Variants in CLEC12B observed in about 807,000 individuals in gnomAD.
The protein encoded by CLEC12B is C-type lectin domain family 12 member B, also known as macrophage antigen h.
Under a neutral mutation model 36.1 loss-of-function variants are expected in CLEC12B, and 25 were observed. The ratio of observed to expected loss-of-function variants is 0.69; its 90% CI spans 0.50 to 0.97. CLEC12B has a LOEUF of 0.97. Ranked by LOEUF, CLEC12B falls within the 50% of genes least tolerant of loss-of-function variation. The probability of loss-of-function intolerance (pLI) is 0.00; values close to 1 mark genes in which losing one functional copy is unlikely to be tolerated. For missense variants in CLEC12B, 325 were observed against 318.4 expected (o/e 1.02, Z -0.16); for synonymous variants, 110 against 108.5 (o/e 1.01, Z -0.09).
In CLEC12B at chr12:10,012,792, A is replaced by G. The variant is rs755434066; in HGVS notation, c.99A>G (p.Pro33=). ...TCTTTTGGCTTTCTCCAGGGCATCC[A>G]GCTCCATCTCCCATTTGGCGTCATG... is the stretch of plus-strand genomic sequence containing the variant. ...DGNNLRKRGH[P]APSPIWRHAA... Residue 33 remains proline (P), a synonymous_variant, in exon 2 of 6, where the codon CCA becomes CCG. Transcript: ENST00000338896. 1 of 1,613,236 alleles carries G rather than the reference A, an allele frequency of 6.2e-7. No homozygotes were observed. The highest frequency in any genetic ancestry group is 8.5e-7 in the Non-Finnish European group (1 of 1,179,726).
intron 3 of CLEC12B, among the ~76,000 whole-genome samples, chr12:10,015,004 T>A (rs777106464): frequency 1.3e-5 from 2 of 152,194 alleles, no homozygotes; most frequent in African/African-American, 2.4e-5. Context: ...TAGGTGATCA[T>A]GTTGCTCTGA....
In CLEC12B at chr12:10,018,455, C is replaced by G; in HGVS notation, c.805C>G (p.Pro269Ala). Residue 269 changes from proline (P) to alanine (A), a missense_variant, in exon 6 of 6, where the codon CCA becomes GCA. Pro to Ala is a conservative substitution (Grantham distance 27). Coordinates refer to ENST00000338896, the MANE Select transcript of CLEC12B (RefSeq NM_001129998.3). ...IFWICEKTAA[P>A]VKTEDLD Reference sequence around the variant, plus strand: ...TTGGATTTGCGAGAAGACAGCTGCCCCAGTGAAGACTGAGGATTTGGATTA... The same window carrying G: ...TTGGATTTGCGAGAAGACAGCTGCCGCAGTGAAGACTGAGGATTTGGATTA... 1 of 1,550,596 alleles carries G rather than the reference C, an allele frequency of 6.4e-7. No homozygotes were observed. Among genetic ancestry groups the G allele is most frequent in the Non-Finnish European group, 8.7e-7 (1 of 1,146,574 alleles).
intron 3 of CLEC12B, 83 bp downstream of exon 3, chr12:10,014,824 T>A (rs1486217085): frequency 1.1e-6 from 1 of 870,762 alleles, no homozygotes; most frequent in East Asian, 2.5e-5. Context: ...CCTAAGAGTA[T>A]TGAGAGAGTT....
chr12:10,007,698 G>A (rs146945991), upstream of CLEC12B, among the ~76,000 whole-genome samples: 8 of 152,288 alleles, frequency 5.3e-5, no homozygotes, highest in East Asian at 5.8e-4. Context: ...TTTCAAAAAC[G>A]TAAGATAAAA....
upstream of CLEC12B, among the ~76,000 whole-genome samples, chr12:10,009,340 C>A (rs1865270582): frequency 6.6e-6 from 1 of 152,110 alleles, no homozygotes; most frequent in Non-Finnish European, 1.5e-5. Flanking sequence ...CAACTCCGGA[C>A]ACGGACCAGA....
chr12:10,014,686 G>A lies in CLEC12B; in HGVS notation c.354G>A (p.Lys118=). Reference sequence around the variant, plus strand: ...AGTCACAGATCTCCAGTGTACTGAAGAGGCAGGAACAAATGGCCATCAAAC... The same window carrying A: ...AGTCACAGATCTCCAGTGTACTGAAAAGGCAGGAACAAATGGCCATCAAAC... ...FLKSQISSVL[K]RQEQMAIKLC... The change falls in exon 3 of 6, where the codon AAG becomes AAA. Residue 118 remains lysine (K), a synonymous_variant. Coordinates refer to ENST00000338896, the MANE Select transcript of CLEC12B (RefSeq NM_001129998.3). 6.2e-7 allele frequency: 1 copy of A among 1,613,704 alleles called. No individual in the cohort carries two copies. Among genetic ancestry groups the A allele is most frequent in the Non-Finnish European group, 8.5e-7 (1 of 1,179,694 alleles).
At chr12:10,010,534 C>G (rs1197472097), upstream of CLEC12B, 3 of 359,222 alleles carry the variant, frequency 8.4e-6, no homozygotes, top group African/African-American at 4.3e-5. Flanking sequence ...AGTTTGAGAT[C>G]TGTAACATTC....
At chr12:10,017,577 G>T in intron 5 of CLEC12B, 2 of 985,560 alleles carry the variant, frequency 2.0e-6, no homozygotes, top group African/African-American at 1.7e-5. Flanking sequence ...TCAAACACAG[G>T]TTAGAGAGAC....
upstream of CLEC12B, among the ~76,000 whole-genome samples, chr12:10,009,632 G>T (rs1865277864): frequency 6.6e-6 from 1 of 151,668 alleles, no homozygotes; most frequent in Non-Finnish European, 1.5e-5. Context: ...CATGCACAGC[G>T]TTCCTAAAGA....
chr12:10,006,756 TA>T (rs1030730870), upstream of CLEC12B, among the ~76,000 whole-genome samples: 1 of 152,096 alleles, frequency 6.6e-6, no homozygotes, highest in African/African-American at 2.4e-5. Flanking sequence ...GAGTGTTTTT[TA>T]GAAATAGTGA....
chr12:10,011,919 C>T (rs542822684), intron 1 of CLEC12B, among the ~76,000 whole-genome samples: 137 of 152,288 alleles, frequency 9.0e-4, no homozygotes, highest in African/African-American at 3.2e-3. Flanking sequence ...GTGCATATCA[C>T]AGTGTACCTA....
chr12:10,017,419 T>C (rs1291275810), intron 5 of CLEC12B: 3 of 985,288 alleles, frequency 3.0e-6, no homozygotes, highest in Non-Finnish European at 3.6e-6. Flanking sequence ...GAATCTAAGA[T>C]GTGTCCCTTC....
upstream of CLEC12B, among the ~76,000 whole-genome samples, chr12:10,006,899 CA>C (rs535155973): frequency 4.5e-3 from 681 of 151,786 alleles, 3 homozygotes; most frequent in Admixed American, 9.4e-3. Flanking sequence ...ACTAAAAATA[CA>C]AAAAATTAGC....
rs1865366776 is a variant in CLEC12B, at chr12:10,012,887, A to G, written c.190+4A>G. On this transcript the variant is annotated splice_donor_region_variant and intron_variant, in intron 2 of 5. Transcript: ENST00000338896. ...CTGGTGACATTGGGGATGATGTGTA[A>G]GTATATCAGCATCAAACCCAACAAA... 1 of 1,596,566 alleles carries G rather than the reference A, an allele frequency of 6.3e-7. No individual in the cohort carries two copies. Among genetic ancestry groups the G allele is most frequent in the Non-Finnish European group, 8.6e-7 (1 of 1,164,106 alleles).
chr12:10,018,595 C>T lies in CLEC12B; in HGVS notation c.*114C>T, dbSNP rs1405332788. 1.3e-6 allele frequency: 1 copy of T among 791,930 alleles called. No individual in the cohort carries two copies. Among genetic ancestry groups the T allele is most frequent in the Admixed American group, 2.9e-5 (1 of 33,916 alleles). 49.1% of individuals were successfully genotyped at this position (791,930 alleles called of 1,614,324 possible). A position where few individuals can be genotyped will look rare whatever the true frequency, so the allele number is the denominator to read the frequency against. Reference sequence around the variant, plus strand: ...AGCTTTTAAAATGACTGTGTATTTACATTATCAGACAAATGAACTTGTTTA... The same window carrying T: ...AGCTTTTAAAATGACTGTGTATTTATATTATCAGACAAATGAACTTGTTTA... On this transcript the variant is annotated 3_prime_UTR_variant, in exon 6 of 6. Transcript: ENST00000338896.
intron 5 of CLEC12B, chr12:10,016,947 C>A: frequency 3.1e-6 from 3 of 969,700 alleles, no homozygotes; most frequent in Non-Finnish European, 3.7e-6. Flanking sequence ...CATTATCCAC[C>A]CCCCTCCCTC....
chr12:10,010,886 G>A (rs1443567965), intron 1 of CLEC12B, 36 bp downstream of exon 1: 2 of 1,376,878 alleles, frequency 1.5e-6, no homozygotes, highest in Non-Finnish European at 1.0e-6. Context: ...TGTCCTTGGG[G>A]GAGTGGACAG....
Position 10,015,328 on chromosome 12 carries a change from G to C in CLEC12B, c.486G>C (p.Glu162Asp), listed in dbSNP as rs1865456265. 6.2e-7 allele frequency: 1 copy of C among 1,613,334 alleles called. No homozygotes were observed. The highest frequency in any genetic ancestry group is 1.3e-5 in the African/African-American group (1 of 74,904). Residue 162 changes from glutamate to aspartate, a missense_variant, in exon 4 of 6, where the codon GAG (glutamate) becomes GAC (aspartate). Coordinates refer to ENST00000338896, the MANE Select transcript of CLEC12B (RefSeq NM_001129998.3). ...NSCYYFTTNE[E>D]KTWANSRKDC... ...GCTACTATTTTACAACAAATGAGGA[G>C]AAAACCTGGGCTAACAGTAGAAAGG...
At chr12:10,007,078 A>G (rs1011404819), upstream of CLEC12B, among the ~76,000 whole-genome samples, 1 of 151,950 alleles carries the variant, frequency 6.6e-6, no homozygotes, top group Non-Finnish European at 1.5e-5. Flanking sequence ...AAAGAATAAA[A>G]ATAAAAAAAG....
Sources: allele counts gnomAD v4.1 joint callset (sites outside exome capture counted in the v4.1 genomes callset), GRCh38; gene constraint gnomAD v4.1.1; transcripts MANE v1.5; gene names NCBI Gene and HGNC (gene_info 2026-07-23, HGNC 2026-07-21).